The following PPTC7 variants were observed in gnomAD, a reference collection of about 807,000 sequenced individuals.
The protein encoded by PPTC7 is protein phosphatase PTC7 homolog.
In PPTC7, 6 loss-of-function variants were observed where a neutral mutation model predicts 30.8. The observed-to-expected ratio is 0.19, with a 90% confidence interval of 0.11 to 0.38. The LOEUF (loss-of-function observed/expected upper bound fraction) is 0.38, where lower values mean the gene tolerates loss of function less well. Ranked by LOEUF, PPTC7 falls within the 10% of genes least tolerant of loss-of-function variation. PPTC7 has a pLI of 1.00. For missense variants in PPTC7, 218 were observed against 404.8 expected (o/e 0.54, Z 3.96); for synonymous variants, 163 against 168.1 (o/e 0.97, Z 0.23).
chr12:110,560,747 T>G (rs1307324658), intron 1 of PPTC7, among the ~76,000 whole-genome samples: 1 of 152,236 alleles, frequency 6.6e-6, no homozygotes, highest in Non-Finnish European at 1.5e-5. Context: ...AATTTGATTT[T>G]GTCCAAAAAT....
At chr12:110,549,125 A>T (rs1273240109) in intron 2 of PPTC7, among the ~76,000 whole-genome samples, 2 of 152,216 alleles carry the variant, frequency 1.3e-5, no homozygotes, top group African/African-American at 4.8e-5. Context: ...ACTACTACTA[A>T]GCCTTTTGTA....
intron 1 of PPTC7, among the ~76,000 whole-genome samples, chr12:110,558,860 C>A (rs188586623): frequency 6.6e-6 from 1 of 152,318 alleles, no homozygotes; most frequent in African/African-American, 2.4e-5. Context: ...CCCGCCTCGG[C>A]CTCCCAAAGT....
intron 1 of PPTC7, among the ~76,000 whole-genome samples, chr12:110,565,946 GA>G (rs1378354200): frequency 6.6e-6 from 1 of 152,216 alleles, no homozygotes; most frequent in African/African-American, 2.4e-5. Context: ...CTTGAAGGAT[GA>G]AAGAAAATGA....
In PPTC7 at chr12:110,536,896, G is replaced by A. The variant is rs2064222552; in HGVS notation, c.*141C>T. ...TGGTTCTCAACAAAGATCTCAACGA[G>A]TCTCAAGAAGACAGGCAAAAGACTT... On this transcript the variant is annotated 3_prime_UTR_variant, in exon 6 of 6. Coordinates refer to ENST00000354300, the MANE Select transcript of PPTC7 (RefSeq NM_139283.2). 1 of 666,970 alleles carries A rather than the reference G, an allele frequency of 1.5e-6. No homozygotes were observed. Among genetic ancestry groups the A allele is most frequent in the African/African-American group, 1.8e-5 (1 of 55,442 alleles). The allele number at this position is 666,970 out of a possible 1,614,324, so 41.3% of individuals were successfully genotyped here.
rs2064351279 is a variant in PPTC7, at chr12:110,551,780, C to T, written c.403+9G>A. ...TCTTTAGAGGAAAACACATAAGATACCCACTTACCGAGCAAAGGGACTTTA... is the reference window on the plus strand; with the variant it reads ...TCTTTAGAGGAAAACACATAAGATATCCACTTACCGAGCAAAGGGACTTTA... On this transcript the variant is annotated intron_variant, in intron 2 of 5. Transcript: ENST00000354300. 6.2e-7 allele frequency: 1 copy of T among 1,610,436 alleles called. No homozygotes were observed. Among genetic ancestry groups the T allele is most frequent in the South Asian group, 1.1e-5 (1 of 90,924 alleles).
intron 1 of PPTC7, among the ~76,000 whole-genome samples, chr12:110,578,686 G>A (rs1288957306): frequency 6.6e-6 from 1 of 152,216 alleles, no homozygotes; most frequent in Non-Finnish European, 1.5e-5. Flanking sequence ...CGGATACTCA[G>A]TAATAAATAT....
intron 2 of PPTC7, among the ~76,000 whole-genome samples, chr12:110,548,105 T>C (rs2064322675): frequency 6.9e-6 from 1 of 145,148 alleles, no homozygotes; most frequent in South Asian, 2.1e-4. Flanking sequence ...AGACTCTGTC[T>C]CAAAAAAAAA....
chr12:110,545,301 C>T (rs1005341451), intron 3 of PPTC7, among the ~76,000 whole-genome samples: 1 of 152,152 alleles, frequency 6.6e-6, no homozygotes, highest in Non-Finnish European at 1.5e-5. Context: ...CCATGTTGGC[C>T]AAGCTGGTCT....
rs1395556169 is a variant in PPTC7 at position 110,536,048 on chromosome 12, G to A, written c.*989C>T. The A allele has an allele frequency of 1.3e-5, 2 of 152,302 alleles. No homozygotes were observed. Among genetic ancestry groups the A allele is most frequent in the Non-Finnish European group, 2.9e-5 (2 of 68,040 alleles). 9.4% of individuals were successfully genotyped at this position (152,302 alleles called of 1,614,324 possible). ...TGGTGCATGCTCTATAGAAAGCAAG[G>A]CTACTAATAAAAGGTCTGAGAGTAC... On this transcript the variant is annotated 3_prime_UTR_variant, in exon 6 of 6. Transcript: ENST00000354300.
At chr12:110,557,826 C>A (rs965394266) in intron 1 of PPTC7, among the ~76,000 whole-genome samples, 1 of 152,142 alleles carries the variant, frequency 6.6e-6, no homozygotes, top group East Asian at 1.9e-4. Context: ...AGGAAACTTA[C>A]AATCATGGCA....
Position 110,535,421 on chromosome 12 carries a change from T to C in PPTC7, c.*1616A>G, listed in dbSNP as rs1398338585. ...GATGCATTGAAATATAGTAATGACA[T>C]GTACATGGTACATGTTAAACAATTT... On this transcript the variant is annotated 3_prime_UTR_variant, in exon 6 of 6. Transcript: ENST00000354300. 2.0e-5 allele frequency: 3 copies of C among 152,662 alleles called. No homozygotes were observed. Among genetic ancestry groups the C allele is most frequent in the Non-Finnish European group, 4.4e-5 (3 of 68,042 alleles). 9.5% of individuals were successfully genotyped at this position (152,662 alleles called of 1,614,324 possible).
At chr12:110,574,106 C>G (rs1217348163) in intron 1 of PPTC7, among the ~76,000 whole-genome samples, 1 of 131,812 alleles carries the variant, frequency 7.6e-6, no homozygotes, top group Non-Finnish European at 1.5e-5. Flanking sequence ...GAGACCAGCC[C>G]AAGCAACACA....
intron 1 of PPTC7, among the ~76,000 whole-genome samples, chr12:110,564,800 TAC>T (rs1377436475): frequency 1.7e-5 from 2 of 120,138 alleles, no homozygotes; most frequent in Admixed American, 1.5e-4. Context: ...TATATATATA[TAC>T]ACGTATATGT....
Position 110,536,965 on chromosome 12 carries a change from G to A in PPTC7, c.*72C>T. Reference sequence around the variant, plus strand: ...ATCAGTGGCAAAGAAATGTGGTCCTGCCAGCAGGATCAGCACACATGGCAG... The same window carrying A: ...ATCAGTGGCAAAGAAATGTGGTCCTACCAGCAGGATCAGCACACATGGCAG... On this transcript the variant is annotated 3_prime_UTR_variant, in exon 6 of 6. Coordinates refer to ENST00000354300, the MANE Select transcript of PPTC7 (RefSeq NM_139283.2). The A allele has an allele frequency of 1.7e-6, 2 of 1,170,032 alleles. No homozygotes were observed. Among genetic ancestry groups the A allele is most frequent in the Non-Finnish European group, 1.3e-6 (1 of 780,638 alleles). 72.5% of individuals were successfully genotyped at this position (1,170,032 alleles called of 1,614,324 possible). A position where few individuals can be genotyped will look rare whatever the true frequency, so the allele number is the denominator to read the frequency against.
Position 110,536,773 on chromosome 12 carries a change from C to A in PPTC7, c.*264G>T. 1 of 455,378 alleles carries A rather than the reference C, an allele frequency of 2.2e-6. No homozygotes were observed. The highest frequency in any genetic ancestry group is 3.9e-6 in the Non-Finnish European group (1 of 258,492). The allele number at this position is 455,378 out of a possible 1,614,324, so 28.2% of individuals were successfully genotyped here. A position where few individuals can be genotyped will look rare whatever the true frequency, so the allele number is the denominator to read the frequency against. ...CCACGGTGGCACTGAACACCTCCAT[C>A]CCCATCATGGAAAGAACATCGAGAA... On this transcript the variant is annotated 3_prime_UTR_variant, in exon 6 of 6. Coordinates refer to ENST00000354300, the MANE Select transcript of PPTC7 (RefSeq NM_139283.2).
chr12:110,569,477 C>T (rs1432847354), intron 1 of PPTC7, among the ~76,000 whole-genome samples: 2 of 152,138 alleles, frequency 1.3e-5, no homozygotes, highest in African/African-American at 2.4e-5. Context: ...CTGGTCAGAT[C>T]GTTTCTCTAA....
intron 1 of PPTC7, among the ~76,000 whole-genome samples, chr12:110,581,041 C>T (rs537760348): frequency 3.3e-5 from 5 of 152,280 alleles, no homozygotes; most frequent in African/African-American, 9.6e-5. Flanking sequence ...TGAGCCACCA[C>T]GCGCAGCCCA....
intron 1 of PPTC7, among the ~76,000 whole-genome samples, chr12:110,582,299 C>CA (rs1242109823): frequency 6.6e-6 from 1 of 152,200 alleles, no homozygotes; most frequent in Non-Finnish European, 1.5e-5. Flanking sequence ...ATTTGGTTAC[C>CA]ATCCAGGCGG....
Position 110,542,672 on chromosome 12 carries a change from T to TC in PPTC7, c.603-2728dup, listed in dbSNP as rs1279786800. On this transcript the variant is annotated intron_variant, in intron 3 of 5. Coordinates refer to ENST00000354300, the MANE Select transcript of PPTC7 (RefSeq NM_139283.2). ...CTGGGCAGCAGAGCGAGACTCTGTCTCAAAAAAAAAAAAAAAAAAAAAAAA... is the reference window on the plus strand; with the variant it reads ...CTGGGCAGCAGAGCGAGACTCTGTCTCCAAAAAAAAAAAAAAAAAAAAAAAA... Among the ~76,000 whole-genome samples the TC allele has an allele frequency of 7.1e-3, 363 of 51,272 alleles. 2 individuals are homozygous for TC. The highest frequency in any genetic ancestry group is 0.011 in the Non-Finnish European group (309 of 28,404). 33.6% of individuals were successfully genotyped at this position (51,272 alleles called of 152,430 possible). A position where few individuals can be genotyped will look rare whatever the true frequency, so the allele number is the denominator to read the frequency against.
Sources: gnomAD v4.1 joint callset for allele counts (sites outside exome capture counted in the v4.1 genomes callset) on GRCh38, gnomAD v4.1.1 for gene constraint, MANE v1.5 for transcripts, NCBI Gene and HGNC (gene_info 2026-07-23, HGNC 2026-07-21) for gene names.